MYO1H: variants seen among roughly 807,000 people sequenced by gnomAD.
MYO1H encodes unconventional myosin-Ih.
MYO1H carries 118 observed loss-of-function variants against 149.3 expected under a neutral mutation model. The ratio of observed to expected loss-of-function variants is 0.79; its 90% CI spans 0.68 to 0.92. MYO1H has a LOEUF of 0.92. Ranked by LOEUF, MYO1H falls within the 40% of genes least tolerant of loss-of-function variation. The pLI is 0.00. For missense variants in MYO1H, 1,212 were observed against 1,280.7 expected (o/e 0.95, Z 0.82); for synonymous variants, 447 against 465.2 (o/e 0.96, Z 0.50).
At chr12:109,406,759 A>G (rs1458035917) in intron 8 of MYO1H, 30 bp from the exon 9 acceptor site, 1 of 1,603,658 alleles carries the variant, frequency 6.2e-7, no homozygotes, top group South Asian at 1.1e-5. Context: ...TGCGTCACTG[A>G]ATAGCATTCT....
In MYO1H at chr12:109,404,315, T is replaced by TA. The variant is rs1203184963; in HGVS notation, c.849+243dup. On this transcript the variant is annotated intron_variant, in intron 7 of 31. Coordinates refer to ENST00000310903, the Ensembl canonical transcript of MYO1H. ...CAACATGGTGAAACCCTGTCTGTAC[T>TA]AAAAAAAAGTACAAAAATTAACCAG... is the stretch of plus-strand genomic sequence containing the variant. Among the ~76,000 whole-genome samples the TA allele has an allele frequency of 7.9e-5, 12 of 151,898 alleles. No individual in the cohort carries two copies. The South Asian group carries it at 1.7e-3, about 21-fold the overall frequency.
chr12:109,371,152 A>G (rs1358760412), intron 1 of MYO1H, among the ~76,000 whole-genome samples: 1 of 149,482 alleles, frequency 6.7e-6, no homozygotes, highest in East Asian at 2.0e-4. Flanking sequence ...TTTTAGGGAG[A>G]TGTTGTGACT....
the MYO1H span, among the ~76,000 whole-genome samples, chr12:109,326,501 T>G: frequency 1.0e-5 from 1 of 96,624 alleles, no homozygotes; most frequent in Non-Finnish European, 2.3e-5. Flanking sequence ...TTATTTTATT[T>G]TATTTTATTT....
intron 21 of MYO1H, among the ~76,000 whole-genome samples, chr12:109,436,023 G>C (rs964831272): frequency 2.6e-5 from 4 of 152,178 alleles, no homozygotes; most frequent in East Asian, 1.9e-4. Flanking sequence ...CTGTGTGGAG[G>C]GGGTGGATGC....
chr12:109,406,845 A>G (rs1215912214), exon 9 of MYO1H: 1 of 1,613,834 alleles, frequency 6.2e-7, no homozygotes, highest in African/African-American at 1.3e-5. Context: ...GAAAAATTGA[A>G]GCCAAAACTG....
chr12:109,351,237 A>G (rs1868454988), intron 1 of MYO1H, among the ~76,000 whole-genome samples: 1 of 152,186 alleles, frequency 6.6e-6, no homozygotes. Flanking sequence ...TTTTCACATC[A>G]AAGCTTGAAT....
chr12:109,429,688 G>A (rs185557224), intron 19 of MYO1H, among the ~76,000 whole-genome samples: 36 of 152,268 alleles, frequency 2.4e-4, no homozygotes, highest in Non-Finnish European at 7.4e-5. Context: ...GGCCAGGCAG[G>A]GATATGTTAT....
chr12:109,438,082 TGTC>T (rs1871943256), intron 22 of MYO1H, among the ~76,000 whole-genome samples: 2 of 100,828 alleles, frequency 2.0e-5, no homozygotes, highest in Non-Finnish European at 3.9e-5. Context: ...AGCAAGGCTC[TGTC>T]TAAAAAAAAA....
At chr12:109,403,944 A>T in intron 6 of MYO1H, 38 bp from the exon 7 acceptor site, 1 of 1,447,252 alleles carries the variant, frequency 6.9e-7, no homozygotes. Context: ...TTGCCCCTAT[A>T]AAAATGACAT....
rs1185318428 is a variant in MYO1H at position 109,439,749 on chromosome 12, C to G, written c.2413C>G (p.Leu805Val). The G allele has an allele frequency of 1.2e-6, 2 of 1,613,914 alleles. No homozygotes were observed. Among genetic ancestry groups the G allele is most frequent in the East Asian group, 4.5e-5 (2 of 44,880 alleles). Residue 805 changes from leucine to valine, a missense_variant, in exon 24 of 32, where the codon CTG (leucine) becomes GTG (valine). Leu to Val is a conservative substitution (Grantham distance 32). Transcript: ENST00000310903. ...CCGGTATCACCTTCCAAAGACTGTCCTGGACAAGAGCTGGCTGAGGCCTCC... is the reference window on the plus strand; with the variant it reads ...CCGGTATCACCTTCCAAAGACTGTCGTGGACAAGAGCTGGCTGAGGCCTCC...
At chr12:109,334,773 T>C in the MYO1H span, among the ~76,000 whole-genome samples, 1 of 152,238 alleles carries the variant, frequency 6.6e-6, no homozygotes, top group South Asian at 2.1e-4. Context: ...ATAAAAGCTT[T>C]ATTGAGAGAG....
At chr12:109,331,600 C>T in the MYO1H span, among the ~76,000 whole-genome samples, 2 of 152,280 alleles carry the variant, frequency 1.3e-5, no homozygotes, top group East Asian at 1.9e-4. Flanking sequence ...AGGAGGACTT[C>T]GGGAGCGGTA....
chr12:109,334,706 C>T, the MYO1H span, among the ~76,000 whole-genome samples: 1 of 152,064 alleles, frequency 6.6e-6, no homozygotes, highest in Non-Finnish European at 1.5e-5. Flanking sequence ...ATTTAGCATT[C>T]CTATTAGTTC....
At chr12:109,337,835 T>A in the MYO1H span, among the ~76,000 whole-genome samples, 1 of 152,166 alleles carries the variant, frequency 6.6e-6, no homozygotes, top group Non-Finnish European at 1.5e-5. Context: ...CTGAGGGTAG[T>A]ACAATATGCA....
At position 109,412,003 on chromosome 12, in the gene MYO1H, C is replaced by G; in HGVS notation, c.1502+18C>G. ...TTCGAAACGTACATACTTTATTTTACCAGATTTTGCATGGGGGAAGATGAT... is the reference window on the plus strand; with the variant it reads ...TTCGAAACGTACATACTTTATTTTAGCAGATTTTGCATGGGGGAAGATGAT... On this transcript the variant is annotated intron_variant, in intron 14 of 31. Coordinates refer to ENST00000310903, the Ensembl canonical transcript of MYO1H. 6.5e-7 allele frequency: 1 copy of G among 1,534,170 alleles called. No individual in the cohort carries two copies.
intron 1 of MYO1H, among the ~76,000 whole-genome samples, chr12:109,386,384 G>A (rs981672076): frequency 6.6e-6 from 1 of 152,150 alleles, no homozygotes; most frequent in Non-Finnish European, 1.5e-5. Context: ...GAGTGGAATC[G>A]CTGGATCAAA....
chr12:109,397,701 A>C, intron 4 of MYO1H, 31 bp from the exon 5 acceptor site: 2 of 1,582,506 alleles, frequency 1.3e-6, no homozygotes, highest in Non-Finnish European at 1.7e-6. Flanking sequence ...GGTGAGCTTA[A>C]ATGACAGTGA....
At chr12:109,438,762 C>A in intron 23 of MYO1H, 142 bp downstream of exon 23, 1 of 644,612 alleles carries the variant, frequency 1.6e-6, no homozygotes, top group Non-Finnish European at 2.7e-6. Context: ...ATTAGGAATT[C>A]AGGTCCATCC....
chr12:109,391,951 G>A (rs546244224), intron 2 of MYO1H, among the ~76,000 whole-genome samples: 2 of 152,250 alleles, frequency 1.3e-5, no homozygotes, highest in African/African-American at 4.8e-5. Flanking sequence ...CTTGTAGACT[G>A]GATATTAGAC....
Sources: allele counts gnomAD v4.1 joint callset (sites outside exome capture counted in the v4.1 genomes callset), GRCh38; gene constraint gnomAD v4.1.1; transcripts MANE v1.5; gene names NCBI Gene and HGNC (gene_info 2026-07-23, HGNC 2026-07-21).